The following ATP11B variants were observed in gnomAD, a reference collection of about 807,000 sequenced individuals.
ATP11B encodes the protein ATPase phospholipid transporting 11B (putative).
Under a neutral mutation model 157.8 loss-of-function variants are expected in ATP11B, and 81 were observed. That is an observed-to-expected ratio of 0.51 (90% confidence interval 0.43 to 0.62). The LOEUF (loss-of-function observed/expected upper bound fraction) is 0.62, where lower values mean the gene tolerates loss of function less well. Ranked by LOEUF, ATP11B falls within the 20% of genes least tolerant of loss-of-function variation. ATP11B has a pLI of 0.00. For missense variants in ATP11B, 1,165 were observed against 1,402.2 expected (o/e 0.83, Z 2.70); for synonymous variants, 451 against 469.4 (o/e 0.96, Z 0.51).
At chr3:182,836,753 T>C in intron 6 of ATP11B, 1 of 490,316 alleles carries the variant, frequency 2.0e-6, no homozygotes, top group Non-Finnish European at 3.6e-6. Flanking sequence ...GGGACAAATT[T>C]ATATTTTCTC....
rs927120225 is a variant in ATP11B at position 182,919,179 on chromosome 3, A to G, written c.*1075A>G. 5.2e-5 allele frequency: 8 copies of G among 152,588 alleles called. No individual in the cohort carries two copies. Among genetic ancestry groups the G allele is most frequent in the Admixed American group, 6.5e-5 (1 of 15,280 alleles). The allele number at this position is 152,588 out of a possible 1,614,324, so 9.5% of individuals were successfully genotyped here. On this transcript the variant is annotated 3_prime_UTR_variant, in exon 30 of 30. Transcript: ENST00000323116. ...ACATGCTCTTCCCTTTCTATAAGCT[A>G]GATTTTAGAATAAAGGGTTTCAGTT...
At chr3:182,833,124 A>G (rs1718278800) in intron 4 of ATP11B, among the ~76,000 whole-genome samples, 1 of 152,164 alleles carries the variant, frequency 6.6e-6, no homozygotes, top group African/African-American at 2.4e-5. Flanking sequence ...AGCTGAATAT[A>G]CATAACTACA....
In ATP11B at chr3:182,852,086, T is replaced by C. The variant is rs74954300; in HGVS notation, c.851+3529T>C. On this transcript the variant is annotated intron_variant, in intron 10 of 29. Coordinates refer to ENST00000323116, the MANE Select transcript of ATP11B (RefSeq NM_014616.3). ...GATTGAAATCATACAAAGTATGTTCTTTGACAATGAGGGAATTGGATTAAA... is the reference window on the plus strand; with the variant it reads ...GATTGAAATCATACAAAGTATGTTCCTTGACAATGAGGGAATTGGATTAAA... Among the ~76,000 whole-genome samples the C allele has an allele frequency of 9.3e-3, 1,423 of 152,322 alleles. 23 individuals carry two copies. Among genetic ancestry groups the C allele is most frequent in the African/African-American group, 0.033 (1,355 of 41,576 alleles).
intron 4 of ATP11B, among the ~76,000 whole-genome samples, chr3:182,834,098 A>T (rs188564886): frequency 6.6e-6 from 1 of 152,332 alleles, no homozygotes; most frequent in South Asian, 2.1e-4. Context: ...TTAAAAAAAG[A>T]TGTTTGAATT....
intron 29 of ATP11B, chr3:182,915,467 T>TATA (rs1215971120): frequency 1.0e-6 from 1 of 984,810 alleles, no homozygotes; most frequent in Non-Finnish European, 1.2e-6. Context: ...GAGCTTGATT[T>TATA]ATAATACTAT....
At chr3:182,820,547 G>A (rs1717267529) in intron 2 of ATP11B, among the ~76,000 whole-genome samples, 171 bp downstream of exon 2, 1 of 152,064 alleles carries the variant, frequency 6.6e-6, no homozygotes, top group Non-Finnish European at 1.5e-5. Context: ...AGCCAGGTGT[G>A]GTGGCACACC....
In ATP11B at chr3:182,887,825, C is replaced by T. The variant is rs771852152; in HGVS notation, c.2843+112C>T. 2.6e-5 allele frequency: 29 copies of T among 1,115,476 alleles called. No homozygotes were observed. The African/African-American group carries it at 3.1e-4, about 12-fold the overall frequency. The allele number at this position is 1,115,476 out of a possible 1,614,324, so 69.1% of individuals were successfully genotyped here. ...TTACTAAGGAAAGTTCTTTAGTTGT[C>T]GTATGATTTACAGTTGTTGAATATC... On this transcript the variant is annotated intron_variant, in intron 24 of 29. Transcript: ENST00000323116.
intron 1 of ATP11B, among the ~76,000 whole-genome samples, chr3:182,794,421 C>G (rs1181748491): frequency 6.6e-6 from 1 of 152,136 alleles, no homozygotes; most frequent in Non-Finnish European, 1.5e-5. Context: ...ACGTATTGTA[C>G]GATAGTTACG....
chr3:182,823,723 G>C (rs1192754797), intron 2 of ATP11B, among the ~76,000 whole-genome samples: 1 of 152,062 alleles, frequency 6.6e-6, no homozygotes, highest in Non-Finnish European at 1.5e-5. Context: ...CCATTTTCAC[G>C]ATGTTGATTC....
At chr3:182,793,925 C>G (rs1038867842) in intron 1 of ATP11B, 139 bp downstream of exon 1, 1 of 447,332 alleles carries the variant, frequency 2.2e-6, no homozygotes, top group Non-Finnish European at 3.5e-6. Flanking sequence ...GAGACGGGCG[C>G]GGGGCCCAGA....
intron 12 of ATP11B, among the ~76,000 whole-genome samples, chr3:182,859,840 C>T (rs544918715): frequency 1.3e-5 from 2 of 151,974 alleles, no homozygotes; most frequent in East Asian, 3.9e-4. Context: ...TTTTCATTTC[C>T]TCAATTTCCA....
At chr3:182,898,575 A>G (rs1254340986) in intron 27 of ATP11B, 32 bp from the exon 28 acceptor site, 3 of 1,551,980 alleles carry the variant, frequency 1.9e-6, no homozygotes, top group Non-Finnish European at 2.6e-6. Context: ...TTCAGTTTCC[A>G]CTTTTATTAA....
At chr3:182,875,981 T>G (rs925583169) in intron 19 of ATP11B, among the ~76,000 whole-genome samples, 1 of 152,146 alleles carries the variant, frequency 6.6e-6, no homozygotes, top group Admixed American at 6.5e-5. Flanking sequence ...GCACAGTAGC[T>G]CATGCCTGTA....
chr3:182,890,145 T>TA (rs941604699), intron 25 of ATP11B, among the ~76,000 whole-genome samples: 2 of 152,232 alleles, frequency 1.3e-5, no homozygotes, highest in African/African-American at 2.4e-5. Flanking sequence ...AGTACACTGT[T>TA]ACACTGTGTT....
At chr3:182,850,078 G>T (rs1216834440) in intron 10 of ATP11B, among the ~76,000 whole-genome samples, 1 of 152,192 alleles carries the variant, frequency 6.6e-6, no homozygotes, top group East Asian at 1.9e-4. Context: ...AACAACGGAG[G>T]ACATTGGGGA....
At chr3:182,822,532 A>T (rs905352014) in intron 2 of ATP11B, among the ~76,000 whole-genome samples, 1 of 152,088 alleles carries the variant, frequency 6.6e-6, no homozygotes, top group African/African-American at 2.4e-5. Flanking sequence ...GGACATTTGG[A>T]TTGGTTCCAA....
intron 21 of ATP11B, among the ~76,000 whole-genome samples, chr3:182,883,805 A>G (rs1022080377): frequency 4.0e-5 from 6 of 150,374 alleles, no homozygotes; most frequent in African/African-American, 1.5e-4. Context: ...AATACAAAAA[A>G]TTAGCCGGGC....
intron 4 of ATP11B, among the ~76,000 whole-genome samples, chr3:182,830,400 CCCCCTGGGGAA>C (rs1435045678): frequency 6.6e-6 from 1 of 151,790 alleles, no homozygotes; most frequent in Admixed American, 6.6e-5. Context: ...TATGTATTTT[CCCCCTGGGGAA>C]ATATTTTCAA....
At chr3:182,819,176 C>A (rs1426781549) in intron 1 of ATP11B, among the ~76,000 whole-genome samples, 2 of 151,182 alleles carry the variant, frequency 1.3e-5, no homozygotes, top group African/African-American at 4.9e-5. Flanking sequence ...TCCCGGGTTC[C>A]CGCCATTCTC....
Sources: allele counts gnomAD v4.1 joint callset (sites outside exome capture counted in the v4.1 genomes callset), GRCh38; gene constraint gnomAD v4.1.1; transcripts MANE v1.5; gene names NCBI Gene and HGNC (gene_info 2026-07-23, HGNC 2026-07-21).